Variants in STAT1 observed in about 807,000 individuals in gnomAD.
The protein encoded by STAT1 is signal transducer and activator of transcription 1-alpha/beta.
Under a neutral mutation model 111.7 loss-of-function variants are expected in STAT1, and 24 were observed. The observed-to-expected ratio is 0.21, with a 90% confidence interval of 0.16 to 0.30. STAT1 has a LOEUF of 0.30. Ranked by LOEUF, STAT1 falls within the 10% of genes least tolerant of loss-of-function variation. STAT1 has a pLI of 1.00. For missense variants in STAT1, 351 were observed against 911.9 expected, an observed-to-expected ratio of 0.38 and a Z score of 7.92; for synonymous variants, 332 against 326.5, an observed-to-expected ratio of 1.02 and a Z score of -0.18.
Position 190,973,838 on chromosome 2 carries a change from A to G in STAT1, c.2238+992T>C, listed in dbSNP as rs1289527939. 6.6e-6 allele frequency among the ~76,000 whole-genome samples: 1 copy of G among 152,156 alleles called. No homozygotes were observed. Among genetic ancestry groups the G allele is most frequent in the Non-Finnish European group, 1.5e-5 (1 of 68,030 alleles). On this transcript the variant is annotated intron_variant, in intron 24 of 24. Transcript: ENST00000361099. This position sits in a 1 kb window ranked among gnomAD's most constrained non-coding sequence, Gnocchi z 4.4. ...AGCCCGTGCTTAAGGTGAGGAAAAA[A>G]GTCAAAAAATTACACATGAGAAACC... is the stretch of plus-strand genomic sequence containing the variant.
rs1559013490 is a variant in STAT1 at position 190,989,342 on chromosome 2, G to A, written c.1097+273C>T. Reference sequence around the variant, plus strand: ...AGGAATGTTGATACCAGCTCCAGGGGAAGCTCCCAACATCCACCAAGGGAG... The same window carrying A: ...AGGAATGTTGATACCAGCTCCAGGGAAAGCTCCCAACATCCACCAAGGGAG... On this transcript the variant is annotated intron_variant, in intron 12 of 24. Coordinates refer to ENST00000361099, the MANE Select transcript of STAT1 (RefSeq NM_007315.4). This position sits in a 1 kb window ranked among gnomAD's most constrained non-coding sequence, Gnocchi z 5.0. Among the ~76,000 whole-genome samples, 1 of 152,220 alleles carries A rather than the reference G, an allele frequency of 6.6e-6. No individual in the cohort carries two copies. Among genetic ancestry groups the A allele is most frequent in the Non-Finnish European group, 1.5e-5 (1 of 68,036 alleles).
rs189390021 is a variant in STAT1, at chr2:190,976,775, A to G, written c.2059+65T>C. ...CAAAACACTGCATGGGTGGAGTTTCAGAATAATCACCCCCTCATCAGGAAA... is the reference window on the plus strand; with the variant it reads ...CAAAACACTGCATGGGTGGAGTTTCGGAATAATCACCCCCTCATCAGGAAA... On this transcript the variant is annotated intron_variant, in intron 22 of 24. Transcript: ENST00000361099. The surrounding 1 kb of genome is among the most constrained non-coding windows in gnomAD (Gnocchi z 6.0). 1 of 1,424,020 alleles carries G rather than the reference A, an allele frequency of 7.0e-7. No individual in the cohort carries two copies. The highest frequency in any genetic ancestry group is 1.4e-5 in the African/African-American group (1 of 71,068). 88.2% of individuals were successfully genotyped at this position (1,424,020 alleles called of 1,614,324 possible).
In STAT1 at chr2:190,970,261, A is replaced by G. The variant is rs1473792625; in HGVS notation, c.*442T>C. On this transcript the variant is annotated 3_prime_UTR_variant, in exon 25 of 25. Transcript: ENST00000361099. The surrounding 1 kb of genome is among the most constrained non-coding windows in gnomAD (Gnocchi z 5.4). Reference sequence around the variant, plus strand: ...CAGTTACACTTAAAGCAAAGAAAACATGTAAGAATTCTCCCACAGAAATTT... The same window carrying G: ...CAGTTACACTTAAAGCAAAGAAAACGTGTAAGAATTCTCCCACAGAAATTT... 8.5e-6 allele frequency: 2 copies of G among 235,824 alleles called. No individual in the cohort carries two copies. The highest frequency in any genetic ancestry group is 2.3e-5 in the African/African-American group (1 of 43,996). 14.6% of individuals were successfully genotyped at this position (235,824 alleles called of 1,614,324 possible).
intron 24 of STAT1, among the ~76,000 whole-genome samples, chr2:190,972,328 G>A (rs1200628272): frequency 6.6e-6 from 1 of 152,238 alleles, no homozygotes; most frequent in African/African-American, 2.4e-5. Flanking sequence ...TTGGAGAGTA[G>A]ACTGGTTCTA....
At position 190,980,887 on chromosome 2, in the gene STAT1, T is replaced by A. The variant is rs1692338146; in HGVS notation, c.1583-218A>T. Reference sequence around the variant, plus strand: ...CGGAATTTAAATGGTCTAAAATATGTATATGTTGGTTTGAGTTTAATGGCA... The same window carrying A: ...CGGAATTTAAATGGTCTAAAATATGAATATGTTGGTTTGAGTTTAATGGCA... On this transcript the variant is annotated intron_variant, in intron 18 of 24. Coordinates refer to ENST00000361099, the MANE Select transcript of STAT1 (RefSeq NM_007315.4). The surrounding 1 kb of genome is among the most constrained non-coding windows in gnomAD (Gnocchi z 6.1). Among the ~76,000 whole-genome samples, 1 of 152,130 alleles carries A rather than the reference T, an allele frequency of 6.6e-6. No individual in the cohort carries two copies. Among genetic ancestry groups the A allele is most frequent in the East Asian group, 1.9e-4 (1 of 5,192 alleles).
intron 5 of STAT1, among the ~76,000 whole-genome samples, chr2:191,001,731 T>C (rs1174003805): frequency 6.6e-6 from 1 of 152,214 alleles, no homozygotes; most frequent in Non-Finnish European, 1.5e-5. Flanking sequence ...AACCCAGACT[T>C]GCCTGGGAGT....
chr2:190,984,781 C>A lies in STAT1; in HGVS notation c.1264-388G>T, dbSNP rs1408509579. Among the ~76,000 whole-genome samples, 1 of 152,176 alleles carries A rather than the reference C, an allele frequency of 6.6e-6. No homozygotes were observed. Among genetic ancestry groups the A allele is most frequent in the Non-Finnish European group, 1.5e-5 (1 of 68,036 alleles). ...AGTGCATACTTGTGATTGTCTACTGCCTACCGGAAGGGCTGACTCACATCA... is the reference window on the plus strand; with the variant it reads ...AGTGCATACTTGTGATTGTCTACTGACTACCGGAAGGGCTGACTCACATCA... On this transcript the variant is annotated intron_variant, in intron 15 of 24. Transcript: ENST00000361099. The surrounding 1 kb of genome is among the most constrained non-coding windows in gnomAD (Gnocchi z 5.2).
At chr2:190,992,206 T>A (rs1693412248) in intron 10 of STAT1, among the ~76,000 whole-genome samples, 1 of 152,170 alleles carries the variant, frequency 6.6e-6, no homozygotes, top group Admixed American at 6.5e-5. Context: ...AACTAGCAAA[T>A]CAGATCTTAC....
chr2:191,004,905 A>C lies in STAT1; in HGVS notation c.372+2658T>G, dbSNP rs1694560900. Among the ~76,000 whole-genome samples, 1 of 152,126 alleles carries C rather than the reference A, an allele frequency of 6.6e-6. No homozygotes were observed. Among genetic ancestry groups the C allele is most frequent in the Non-Finnish European group, 1.5e-5 (1 of 68,026 alleles). On this transcript the variant is annotated intron_variant, in intron 5 of 24. Transcript: ENST00000361099. This position sits in a 1 kb window ranked among gnomAD's most constrained non-coding sequence, Gnocchi z 5.0. ...ATCCCTTCAGACCCTATGGACCTAA[A>C]TTTTTGTCTAGACATGCAACTAGCT...
chr2:191,009,788 T>C (rs1363509229), intron 3 of STAT1, 88 bp downstream of exon 3: 3 of 1,523,756 alleles, frequency 2.0e-6, no homozygotes, highest in Admixed American at 1.7e-5. Context: ...ATGGAATTCA[T>C]CTTCCAGTAA....
chr2:191,000,973 A>G lies in STAT1; in HGVS notation c.462+101T>C. 9.8e-7 allele frequency: 1 copy of G among 1,016,048 alleles called. No individual in the cohort carries two copies. The highest frequency in any genetic ancestry group is 1.6e-6 in the Non-Finnish European group (1 of 644,836). The allele number at this position is 1,016,048 out of a possible 1,614,324, so 62.9% of individuals were successfully genotyped here. A position where few individuals can be genotyped will look rare whatever the true frequency, so the allele number is the denominator to read the frequency against. ...AAAATTTTTCTTCCCAACTACTTAAAAGACTGAACTCAGTTACGAGGTTTA... is the reference window on the plus strand; with the variant it reads ...AAAATTTTTCTTCCCAACTACTTAAGAGACTGAACTCAGTTACGAGGTTTA... On this transcript the variant is annotated intron_variant, in intron 6 of 24. Coordinates refer to ENST00000361099, the MANE Select transcript of STAT1 (RefSeq NM_007315.4). This position sits in a 1 kb window ranked among gnomAD's most constrained non-coding sequence, Gnocchi z 4.8.
In STAT1 at chr2:190,993,449, T is replaced by C. The variant is rs570568278; in HGVS notation, c.944+1612A>G. ...GAAATCCATACCAATTGTGCTGATGTAGCTTTCTGTATATGTTATCATCTG... is the reference window on the plus strand; with the variant it reads ...GAAATCCATACCAATTGTGCTGATGCAGCTTTCTGTATATGTTATCATCTG... On this transcript the variant is annotated intron_variant, in intron 10 of 24. Transcript: ENST00000361099. This position sits in a 1 kb window ranked among gnomAD's most constrained non-coding sequence, Gnocchi z 4.1. 15 of 1,374,488 alleles carry C rather than the reference T, an allele frequency of 1.1e-5. 1 individual carries two copies. In the East Asian group the frequency reaches 3.4e-4, roughly 31 times the overall value. The allele number at this position is 1,374,488 out of a possible 1,614,324, so 85.1% of individuals were successfully genotyped here.
chr2:190,992,061 T>G (rs1382929863), intron 10 of STAT1, among the ~76,000 whole-genome samples: 2 of 152,220 alleles, frequency 1.3e-5, no homozygotes, highest in Non-Finnish European at 2.9e-5. Flanking sequence ...CGATATTTAT[T>G]AAACATATCT....
rs760409880 is a variant in STAT1, at chr2:190,984,315, G to A, written c.1342C>T (p.Leu448Phe). ...QLCQPGLVID[L>F]ETTSLPVVVI... Reference sequence around the variant, plus strand: ...CGGGACCATAAAAGTCTTACCTCGAGGTCAATTACCAAACCAGGCTGGCAC... The same window carrying A: ...CGGGACCATAAAAGTCTTACCTCGAAGTCAATTACCAAACCAGGCTGGCAC... The change falls in exon 16 of 25, where the codon CTC becomes TTC. Residue 448 changes from leucine to phenylalanine, a missense_variant. Transcript: ENST00000361099. This position sits in a 1 kb window ranked among gnomAD's most constrained non-coding sequence, Gnocchi z 5.2. 1 of 1,613,428 alleles carries A rather than the reference G, an allele frequency of 6.2e-7. No individual in the cohort carries two copies. The highest frequency in any genetic ancestry group is 1.1e-5 in the South Asian group (1 of 91,060).
rs114877652 is a variant in STAT1 at position 191,005,375 on chromosome 2, C to T, written c.372+2188G>A. Among the ~76,000 whole-genome samples the T allele has an allele frequency of 3.7e-3, 564 of 152,318 alleles. 2 individuals are homozygous for T. The Middle Eastern group carries it at 0.048, about 13-fold the overall frequency. ...TACCACATAACAATGGTTCAGTCAACGATGGACCGCGTATATGACAGTGGC... is the reference window on the plus strand; with the variant it reads ...TACCACATAACAATGGTTCAGTCAATGATGGACCGCGTATATGACAGTGGC... On this transcript the variant is annotated intron_variant, in intron 5 of 24. Transcript: ENST00000361099.
intron 10 of STAT1, among the ~76,000 whole-genome samples, chr2:190,994,829 T>C (rs1446939980): frequency 6.6e-6 from 1 of 150,446 alleles, no homozygotes; most frequent in Non-Finnish European, 1.5e-5. Flanking sequence ...GGCAGGAGGA[T>C]TGCTTGAACT....
Position 190,979,669 on chromosome 2 carries a change from G to T in STAT1, c.1727+103C>A. The T allele has an allele frequency of 1.1e-6, 1 of 932,936 alleles. No homozygotes were observed. The highest frequency in any genetic ancestry group is 1.8e-6 in the Non-Finnish European group (1 of 569,564). The allele number at this position is 932,936 out of a possible 1,614,324, so 57.8% of individuals were successfully genotyped here. A position where few individuals can be genotyped will look rare whatever the true frequency, so the allele number is the denominator to read the frequency against. On this transcript the variant is annotated intron_variant, in intron 20 of 24. Transcript: ENST00000361099. The surrounding 1 kb of genome is among the most constrained non-coding windows in gnomAD (Gnocchi z 5.8). ...AGCCTATAAATGCGCACTCCTGTGA[G>T]ATTCACACACGCCTAGTCAAATACT... is the stretch of plus-strand genomic sequence containing the variant.
rs1030858531 is a variant in STAT1 at position 190,997,622 on chromosome 2, C to T, written c.785+234G>A. 6.6e-6 allele frequency among the ~76,000 whole-genome samples: 1 copy of T among 152,122 alleles called. No homozygotes were observed. Among genetic ancestry groups the T allele is most frequent in the African/African-American group, 2.4e-5 (1 of 41,390 alleles). On this transcript the variant is annotated intron_variant, in intron 9 of 24. Transcript: ENST00000361099. The surrounding 1 kb of genome is among the most constrained non-coding windows in gnomAD (Gnocchi z 7.3). ...TGATGTTTTGTACAGTCAAACGACA[C>T]CCCATGGTACAGGAGTGCTCCAAAC...
Position 190,986,184 on chromosome 2 carries a change from G to A in STAT1, c.1222-524C>T, listed in dbSNP as rs942949109. On this transcript the variant is annotated intron_variant, in intron 14 of 24. Transcript: ENST00000361099. The surrounding 1 kb of genome is among the most constrained non-coding windows in gnomAD (Gnocchi z 5.0). ...GAGTTAGGTAGAGCTTCCTAGCTAC[G>A]AGGCTTGCTGGATCACAAAGTGGTC... 2.0e-5 allele frequency among the ~76,000 whole-genome samples: 3 copies of A among 152,210 alleles called. No homozygotes were observed. The highest frequency in any genetic ancestry group is 6.5e-5 in the Admixed American group (1 of 15,288).
Sources: allele counts gnomAD v4.1 joint callset (sites outside exome capture counted in the v4.1 genomes callset), GRCh38; gene constraint gnomAD v4.1.1; non-coding constraint Gnocchi (gnomAD v3.1); transcripts MANE v1.5; gene names NCBI Gene and HGNC (gene_info 2026-07-23, HGNC 2026-07-21).